The following TESMIN variants were observed in gnomAD, a reference collection of about 807,000 sequenced individuals.
TESMIN encodes the protein testis expressed metallothionein like protein, also known as CXC domain containing 2.
In TESMIN, 34 loss-of-function variants were observed where a neutral mutation model predicts 47.4. That is an observed-to-expected ratio of 0.72 (90% CI 0.55 to 0.96). The LOEUF (loss-of-function observed/expected upper bound fraction) is 0.96. Ranked by LOEUF, TESMIN falls within the 40% of genes least tolerant of loss-of-function variation. The probability of loss-of-function intolerance (pLI) is 0.00; values close to 1 mark genes in which losing one functional copy is unlikely to be tolerated. For synonymous variants in TESMIN, 278 were observed against 258.9 expected (o/e 1.07, Z -0.71); for missense variants, 610 against 637.2 (o/e 0.96, Z 0.46).
rs1164364380 is a variant in TESMIN at position 68,744,982 on chromosome 11, A to G, written c.751+9T>C. On this transcript the variant is annotated intron_variant, in intron 4 of 9. Coordinates refer to ENST00000255087, the MANE Select transcript of TESMIN (RefSeq NM_004923.3). ...ATGACATAGTTTTTTTTATTAATTAACTTTGTACCTGACTGTAGATAATTA... is the reference window on the plus strand; with the variant it reads ...ATGACATAGTTTTTTTTATTAATTAGCTTTGTACCTGACTGTAGATAATTA... The G allele has an allele frequency of 1.3e-6, 2 of 1,540,818 alleles. No individual in the cohort carries two copies. The highest frequency in any genetic ancestry group is 8.7e-7 in the Non-Finnish European group (1 of 1,150,130).
Position 68,750,653 on chromosome 11 carries a change from T to G in TESMIN, c.8A>C (p.Glu3Ala). The change falls in exon 2 of 10, where the codon GAG (glutamate) becomes GCG (alanine). Residue 3 changes from glutamate to alanine, a missense_variant. Transcript: ENST00000255087. ...GGGCAGCCCGCCCGGCAGAGGGCCC[T>G]CCTCCATGGCGCAGGGCGGCGGGGC... The part of the protein sequence containing the change: ME[E>A]GPLPGGLPSP... 6.5e-7 allele frequency: 1 copy of G among 1,544,396 alleles called. No individual in the cohort carries two copies. Among genetic ancestry groups the G allele is most frequent in the East Asian group, 2.4e-5 (1 of 41,358 alleles).
rs1388088531 is a variant in TESMIN, at chr11:68,715,943, T to A, written c.918-4A>T. Reference sequence around the variant, plus strand: ...ACTGGCAAAGCAGTCACAGTACCTGTGAAGGAAAGGACAGAGTGAGTGGCA... The same window carrying A: ...ACTGGCAAAGCAGTCACAGTACCTGAGAAGGAAAGGACAGAGTGAGTGGCA... On this transcript the variant is annotated splice_region_variant and splice_polypyrimidine_tract_variant and intron_variant, in intron 6 of 9. Transcript: ENST00000255087. The A allele has an allele frequency of 3.8e-6, 6 of 1,592,840 alleles. No homozygotes were observed. The African/African-American group carries it at 6.7e-5, about 18-fold the overall frequency.
intron 6 of TESMIN, among the ~76,000 whole-genome samples, chr11:68,734,011 T>C (rs969299343): frequency 6.6e-6 from 1 of 152,150 alleles, no homozygotes; most frequent in African/African-American, 2.4e-5. Flanking sequence ...CCCTGACCTA[T>C]TTAAATCTCT....
At chr11:68,733,340 T>A (rs1331716481) in intron 6 of TESMIN, among the ~76,000 whole-genome samples, 1 of 152,180 alleles carries the variant, frequency 6.6e-6, no homozygotes, top group Non-Finnish European at 1.5e-5. Flanking sequence ...AACAATGACA[T>A]CGTTAGCACT....
chr11:68,747,988 A>T (rs937882604), intron 2 of TESMIN, among the ~76,000 whole-genome samples: 1 of 152,228 alleles, frequency 6.6e-6, no homozygotes, highest in East Asian at 1.9e-4. Flanking sequence ...TGCTTTTTAC[A>T]ATCTGTAGGA....
rs1237727902 is a variant in TESMIN at position 68,750,606 on chromosome 11, T to A, written c.55A>T (p.Thr19Ser). ...GLPSPEDAMV[T>S]ELLSPEGPFA... ...GGACCCTCGGGGCTTAAGAGCTCCG[T>A]CACCATCGCATCCTCGGGGCTGGGC... is the stretch of plus-strand genomic sequence containing the variant. Residue 19 changes from threonine (T) to serine (S), a missense_variant, in exon 2 of 10, where the codon ACG (threonine) becomes TCG (serine). Thr to Ser is a moderately conservative substitution (Grantham distance 58). Coordinates refer to ENST00000255087, the MANE Select transcript of TESMIN (RefSeq NM_004923.3). 1.9e-6 allele frequency: 3 copies of A among 1,599,696 alleles called. No homozygotes were observed. Among genetic ancestry groups the A allele is most frequent in the African/African-American group, 1.4e-5 (1 of 73,960 alleles).
At position 68,727,548 on chromosome 11, in the gene TESMIN, C is replaced by G. The variant is rs374352068; in HGVS notation, c.917+11152G>C. Reference sequence around the variant, plus strand: ...TGAGAGGAAGAGACCTCTCTCCATCCTAGTGGACAGTGCTCCTTCTCACTC... The same window carrying G: ...TGAGAGGAAGAGACCTCTCTCCATCGTAGTGGACAGTGCTCCTTCTCACTC... On this transcript the variant is annotated intron_variant, in intron 6 of 9. Transcript: ENST00000255087. 8.3e-4 allele frequency among the ~76,000 whole-genome samples: 127 copies of G among 152,352 alleles called. No individual in the cohort carries two copies. The South Asian group carries it at 0.012, about 14-fold the overall frequency.
At chr11:68,704,937 A>G (rs1366952430), downstream of TESMIN, among the ~76,000 whole-genome samples, 3 of 152,210 alleles carry the variant, frequency 2.0e-5, no homozygotes, top group Non-Finnish European at 4.4e-5. Context: ...ACAGTCTTCA[A>G]TTCCAGTTTT....
intron 5 of TESMIN, among the ~76,000 whole-genome samples, chr11:68,741,911 T>G (rs1159669927): frequency 6.6e-6 from 1 of 152,266 alleles, no homozygotes; most frequent in African/African-American, 2.4e-5. Context: ...TGTCCTCTAC[T>G]TTTATGTAAT....
chr11:68,742,407 T>C lies in TESMIN; in HGVS notation c.752-13A>G, dbSNP rs752790534. On this transcript the variant is annotated splice_polypyrimidine_tract_variant and intron_variant, in intron 4 of 9. Transcript: ENST00000255087. ...GGTTTAGGGACATCTGTAAGGAAGA[T>C]AATTAAAAATTAATTGTAGCATCTA... 1 of 1,529,594 alleles carries C rather than the reference T, an allele frequency of 6.5e-7. No homozygotes were observed. The highest frequency in any genetic ancestry group is 8.9e-7 in the Non-Finnish European group (1 of 1,120,408). The allele number at this position is 1,529,594 out of a possible 1,614,324, so 94.8% of individuals were successfully genotyped here. A position where few individuals can be genotyped will look rare whatever the true frequency, so the allele number is the denominator to read the frequency against.
chr11:68,724,497 A>C (rs1946238497), intron 6 of TESMIN, among the ~76,000 whole-genome samples: 2 of 152,212 alleles, frequency 1.3e-5, no homozygotes, highest in Admixed American at 6.5e-5. Context: ...GGCTCACCTC[A>C]AGAGTGCATT....
chr11:68,733,538 A>G (rs950473914), intron 6 of TESMIN: 4 of 152,238 alleles, frequency 2.6e-5, no homozygotes, highest in Admixed American at 2.6e-4. Context: ...GTTGCTGAGA[A>G]GTAACTGTAA....
intron 7 of TESMIN, among the ~76,000 whole-genome samples, chr11:68,714,752 G>A (rs747101906): frequency 2.6e-5 from 4 of 152,196 alleles, no homozygotes; most frequent in Non-Finnish European, 5.9e-5. Flanking sequence ...GGACATTGGC[G>A]CTTGCTTCTA....
Position 68,707,492 on chromosome 11 carries a change from C to G in TESMIN, c.*816G>C, listed in dbSNP as rs187562836. The G allele has an allele frequency of 3.6e-3, 659 of 181,114 alleles. 5 individuals carry two copies. The highest frequency in any genetic ancestry group is 0.013 in the African/African-American group (566 of 43,118). The allele number at this position is 181,114 out of a possible 1,614,324, so 11.2% of individuals were successfully genotyped here. On this transcript the variant is annotated 3_prime_UTR_variant, in exon 10 of 10. Coordinates refer to ENST00000255087, the MANE Select transcript of TESMIN (RefSeq NM_004923.3). The stretch of plus-strand genomic sequence containing the variant: ...CTTTGCTTTACAACAGAACCAAAAG[C>G]GTCAACTTAAGAATTCATTTTACCT...
intron 5 of TESMIN, among the ~76,000 whole-genome samples, chr11:68,741,212 C>T (rs940026241): frequency 2.6e-5 from 4 of 152,136 alleles, no homozygotes; most frequent in African/African-American, 9.7e-5. Context: ...CATAATCCTC[C>T]CAGTGCCTTG....
chr11:68,734,615 T>C (rs1359854399), intron 6 of TESMIN, among the ~76,000 whole-genome samples: 1 of 152,220 alleles, frequency 6.6e-6, no homozygotes. Flanking sequence ...AGTGTGCTCT[T>C]TGAGGTCATG....
At position 68,716,070 on chromosome 11, in the gene TESMIN, C is replaced by T. The variant is rs1208509358; in HGVS notation, c.918-131G>A. On this transcript the variant is annotated intron_variant, in intron 6 of 9. Coordinates refer to ENST00000255087, the MANE Select transcript of TESMIN (RefSeq NM_004923.3). The stretch of plus-strand genomic sequence containing the variant: ...GAACACTGAACACTTTCATAGACGG[C>T]TCAGACTCCTTTTATATGAGAACTA... 1.5e-4 allele frequency: 94 copies of T among 618,414 alleles called. No homozygotes were observed. In the East Asian group the frequency reaches 2.6e-3, roughly 17 times the overall value. The allele number at this position is 618,414 out of a possible 1,614,324, so 38.3% of individuals were successfully genotyped here.
At position 68,708,498 on chromosome 11, in the gene TESMIN, C is replaced by T. The variant is rs141475233; in HGVS notation, c.1337G>A (p.Arg446Gln). ...SGLPRFSHDR[R>Q]PSSCISWEVV... is the part of the protein sequence containing the mutation. ...CTCCCAGGAGATGCATGAGGAAGGC[C>T]GCCTGTCAGAAACAGAGCAGTTAAA... The change falls in exon 10 of 10, where the codon CGG becomes CAG. Residue 446 changes from arginine (R) to glutamine (Q), a missense_variant and splice_region_variant. Arg to Gln is a conservative substitution (Grantham distance 43). Transcript: ENST00000255087. The T allele has an allele frequency of 2.7e-4, 433 of 1,604,764 alleles. 1 individual carries two copies. Among genetic ancestry groups the T allele is most frequent in the Non-Finnish European group, 3.5e-4 (416 of 1,176,128 alleles).
chr11:68,728,641 A>C (rs1057307001), intron 6 of TESMIN, among the ~76,000 whole-genome samples: 7 of 152,222 alleles, frequency 4.6e-5, no homozygotes, highest in African/African-American at 1.7e-4. Context: ...TAGAGAAGAG[A>C]AGTCAATGCC....
Sources: gnomAD v4.1 joint callset for allele counts (sites outside exome capture counted in the v4.1 genomes callset) on GRCh38, gnomAD v4.1.1 for gene constraint, MANE v1.5 for transcripts, NCBI Gene and HGNC (gene_info 2026-07-23, HGNC 2026-07-21) for gene names.